Variants in TAFA2 observed in about 807,000 individuals in gnomAD.
The protein encoded by TAFA2 is TAFA chemokine like family member 2.
Under a neutral mutation model 18.8 loss-of-function variants are expected in TAFA2, and 7 were observed. The observed-to-expected ratio is 0.37, with a 90% confidence interval of 0.21 to 0.70. TAFA2 has a LOEUF of 0.70. Ranked by LOEUF, TAFA2 falls within the 30% of genes least tolerant of loss-of-function variation. The probability of loss-of-function intolerance (pLI) is 0.53; values close to 1 mark genes in which losing one functional copy is unlikely to be tolerated. For missense variants in TAFA2, 122 were observed against 158.1 expected, an observed-to-expected ratio of 0.77 and a Z score of 1.23; for synonymous variants, 60 against 54.2, an observed-to-expected ratio of 1.11 and a Z score of -0.47.
rs530307750 is a variant in TAFA2 at position 62,138,286 on chromosome 12, A to AAAAAT, written c.-2+52968_-2+52972dup. ...GCAACACAGTGGGACCCTGTCTCTA[A>AAAAAT]AAAATAAAATAAAATAAAATTGTGC... On this transcript the variant is annotated intron_variant, in intron 1 of 4. Transcript: ENST00000416284. Among the ~76,000 whole-genome samples, 6 of 152,258 alleles carry AAAAAT rather than the reference A, an allele frequency of 3.9e-5. No homozygotes were observed. In the South Asian group the frequency reaches 1.0e-3, roughly 26 times the overall value.
At chr12:62,058,997 G>A (rs1274026983) in intron 1 of TAFA2, among the ~76,000 whole-genome samples, 2 of 152,116 alleles carry the variant, frequency 1.3e-5, no homozygotes, top group Admixed American at 6.5e-5. Context: ...CAGCTACTCC[G>A]GAGGCTGAGG....
chr12:62,218,177 A>C (rs962602723), intron 1 of TAFA2, among the ~76,000 whole-genome samples: 1 of 151,796 alleles, frequency 6.6e-6, no homozygotes, highest in African/African-American at 2.4e-5. Context: ...TTAAATTTTT[A>C]GTAGAGATGA....
In TAFA2 at chr12:61,955,633, ATATATATATATATATATATATATAT is replaced by A. The variant is rs1479712655; in HGVS notation, c.-1-88232_-1-88208del. Among the ~76,000 whole-genome samples, 32 of 8,766 alleles carry A rather than the reference ATATATATATATATATATATATATAT, an allele frequency of 3.7e-3. 1 individual carries two copies. Among genetic ancestry groups the A allele is most frequent in the South Asian group, 0.025 (2 of 80 alleles). The allele number at this position is 8,766 out of a possible 152,430, so 5.8% of individuals were successfully genotyped here. ...AAAAAAAAAAAAAAAAAAAAAAAAA[ATATATATATATATATATATATATAT>A]ATATATATATATTTAATTTTAAAAA... On this transcript the variant is annotated intron_variant, in intron 1 of 4. Transcript: ENST00000416284.
chr12:61,949,280 C>CG (rs1271668360), intron 1 of TAFA2, among the ~76,000 whole-genome samples: 1 of 152,076 alleles, frequency 6.6e-6, no homozygotes, highest in Admixed American at 6.6e-5. Context: ...CAGACTCCAA[C>CG]GGAAACATCA....
chr12:61,935,505 A>G (rs1877725225), intron 1 of TAFA2, among the ~76,000 whole-genome samples: 1 of 152,194 alleles, frequency 6.6e-6, no homozygotes, highest in African/African-American at 2.4e-5. Flanking sequence ...CCAATATACC[A>G]TCAACTCTAA....
chr12:62,112,659 T>C (rs111289816), intron 1 of TAFA2, among the ~76,000 whole-genome samples: 8 of 152,286 alleles, frequency 5.3e-5, no homozygotes, highest in African/African-American at 1.4e-4. Context: ...AGTCCCATAT[T>C]TCTTGGAGGC....
chr12:61,769,517 T>G (rs1343324353), intron 2 of TAFA2, among the ~76,000 whole-genome samples: 2 of 151,902 alleles, frequency 1.3e-5, no homozygotes, highest in Non-Finnish European at 2.9e-5. Context: ...CCACAGCAAG[T>G]GCTGATATTC....
chr12:62,171,688 T>G (rs2062479032), intron 1 of TAFA2, among the ~76,000 whole-genome samples: 1 of 152,198 alleles, frequency 6.6e-6, no homozygotes, highest in African/African-American at 2.4e-5. Context: ...GCCTTGATCT[T>G]GAACTTCCCA....
chr12:61,869,669 C>G (rs149801683), intron 1 of TAFA2, among the ~76,000 whole-genome samples: 222 of 152,268 alleles, frequency 1.5e-3, no homozygotes, highest in African/African-American at 5.1e-3. Context: ...CAGGAAGCCT[C>G]TTAGAGAAAT....
intron 1 of TAFA2, among the ~76,000 whole-genome samples, chr12:61,994,099 C>A (rs1335508992): frequency 1.3e-5 from 2 of 152,172 alleles, no homozygotes; most frequent in Non-Finnish European, 2.9e-5. Flanking sequence ...CACATTTACT[C>A]TATCCTTTGT....
intron 1 of TAFA2, among the ~76,000 whole-genome samples, chr12:62,165,583 T>C (rs553485885): frequency 1.2e-4 from 18 of 152,238 alleles, no homozygotes; most frequent in Non-Finnish European, 2.2e-4. Context: ...CCCTCAAAAG[T>C]AGCTCAAAAT....
At chr12:62,022,320 G>A (rs1592555474) in intron 1 of TAFA2, 2 of 164,016 alleles carry the variant, frequency 1.2e-5, no homozygotes, top group East Asian at 3.5e-4. Context: ...GACATGATCA[G>A]TTTTATATTT....
At chr12:62,255,912 T>C (rs563068976) in intron 1 of TAFA2, among the ~76,000 whole-genome samples, 2 of 152,132 alleles carry the variant, frequency 1.3e-5, no homozygotes, top group East Asian at 3.9e-4. Flanking sequence ...GAGTCCACTA[T>C]AGGGCAGACT....
At chr12:62,113,979 C>A (rs532246548) in intron 1 of TAFA2, among the ~76,000 whole-genome samples, 28 of 152,312 alleles carry the variant, frequency 1.8e-4, no homozygotes, top group African/African-American at 5.5e-4. Context: ...CTGGCTTACG[C>A]CCCTTTCCAA....
intron 1 of TAFA2, among the ~76,000 whole-genome samples, chr12:62,248,202 T>C (rs185550271): frequency 9.5e-4 from 145 of 152,322 alleles, no homozygotes; most frequent in African/African-American, 3.3e-3. Context: ...CAGGTGTGGA[T>C]TCCAGGTGGG....
chr12:62,184,502 C>CTTTTTTTTTTTTTTTTTTTTTT (rs10526118), intron 1 of TAFA2, among the ~76,000 whole-genome samples: 1 of 106,172 alleles, frequency 9.4e-6, no homozygotes, highest in African/African-American at 3.7e-5. Context: ...AAAAAAAATT[C>CTTTTTTTTTTTTTTTTTTTTTT]TTTTTTTTTT....
At chr12:62,074,170 C>T (rs1321325238) in intron 1 of TAFA2, among the ~76,000 whole-genome samples, 9 of 152,156 alleles carry the variant, frequency 5.9e-5, no homozygotes, top group African/African-American at 9.7e-5. Flanking sequence ...CACACACACA[C>T]GAGAAAGATA....
intron 2 of TAFA2, among the ~76,000 whole-genome samples, chr12:61,826,338 C>CTGTGTGTGTGTGTGTGTGTGTGTG (rs57736074): frequency 1.0e-3 from 150 of 149,140 alleles, no homozygotes; most frequent in African/African-American, 3.2e-3. Flanking sequence ...ATTAGTTCAT[C>CTGTGTGTGTGTGTGTGTGTGTGTG]TGTGTGTGTG....
At chr12:61,838,257 A>C (rs1223302050) in intron 2 of TAFA2, among the ~76,000 whole-genome samples, 1 of 152,000 alleles carries the variant, frequency 6.6e-6, no homozygotes, top group Non-Finnish European at 1.5e-5. Context: ...GCAGCATTTC[A>C]GTTCTTGTTC....
Sources: gnomAD v4.1 joint callset for allele counts (sites outside exome capture counted in the v4.1 genomes callset) on GRCh38, gnomAD v4.1.1 for gene constraint, MANE v1.5 for transcripts, NCBI Gene and HGNC (gene_info 2026-07-23, HGNC 2026-07-21) for gene names.